PTPRQ: variants seen among roughly 807,000 people sequenced by gnomAD.
PTPRQ encodes protein tyrosine phosphatase receptor type Q, also known as phosphatidylinositol phosphatase PTPRQ.
In PTPRQ, 199 loss-of-function variants were observed where a neutral mutation model predicts 246.0. That is an observed-to-expected ratio of 0.81 (90% CI 0.72 to 0.91). The LOEUF is 0.91. Ranked by LOEUF, PTPRQ falls within the 40% of genes least tolerant of loss-of-function variation. PTPRQ has a pLI of 0.00. For missense variants in PTPRQ, 2,624 were observed against 2,528.4 expected (o/e 1.04, Z -0.81); for synonymous variants, 869 against 853.2 (o/e 1.02, Z -0.32).
At chr12:80,636,035 A>G (rs1229588783) in intron 35 of PTPRQ, among the ~76,000 whole-genome samples, 2 of 152,238 alleles carry the variant, frequency 1.3e-5, no homozygotes, top group African/African-American at 4.8e-5. Context: ...ATCTAAAAAT[A>G]CCTAATATGT....
chr12:80,506,329 G>A, intron 15 of PTPRQ, 123 bp downstream of exon 15: 1 of 1,137,846 alleles, frequency 8.8e-7, no homozygotes, highest in Non-Finnish European at 1.2e-6. Context: ...TGTCTTTTTG[G>A]TTAAATAAGC....
rs1898512996 is a variant in PTPRQ, at chr12:80,610,594, T to C, written c.4887T>C (p.Ser1629=). 13 of 1,543,362 alleles carry C rather than the reference T, an allele frequency of 8.4e-6. No individual in the cohort carries two copies. Among genetic ancestry groups the C allele is most frequent in the Non-Finnish European group, 1.1e-5 (13 of 1,141,220 alleles). Residue 1629 remains serine, a synonymous_variant, in exon 28 of 45, where the codon AGT becomes AGC. Coordinates refer to ENST00000644991, the MANE Select transcript of PTPRQ (RefSeq NM_001145026.2). Reference sequence around the variant, plus strand: ...CTGCATATGTAGAAGGGAAGTCAAGTGCTGAAATGATTGTTACTACTTTAG... The same window carrying C: ...CTGCATATGTAGAAGGGAAGTCAAGCGCTGAAATGATTGTTACTACTTTAG... ...ISAAYVEGKS[S]AEMIVTTLES...
intron 35 of PTPRQ, among the ~76,000 whole-genome samples, chr12:80,647,025 T>C (rs1171016337): frequency 6.6e-5 from 10 of 152,204 alleles, no homozygotes; most frequent in Non-Finnish European, 1.5e-4. Context: ...CACAAATGTA[T>C]ACTGATGCTT....
intron 9 of PTPRQ, among the ~76,000 whole-genome samples, chr12:80,485,406 C>T (rs1184743479): frequency 6.6e-6 from 1 of 152,126 alleles, no homozygotes; most frequent in Admixed American, 6.6e-5. Flanking sequence ...AAGACAAACA[C>T]GATAGTTATT....
At chr12:80,475,063 G>C (rs1893768378) in intron 8 of PTPRQ, among the ~76,000 whole-genome samples, 1 of 151,972 alleles carries the variant, frequency 6.6e-6, no homozygotes, top group Admixed American at 6.6e-5. Flanking sequence ...GCTAGATAAT[G>C]GCAAAAATGA....
chr12:80,485,601 C>T (rs1894246965), intron 9 of PTPRQ, among the ~76,000 whole-genome samples: 1 of 152,180 alleles, frequency 6.6e-6, no homozygotes, highest in Non-Finnish European at 1.5e-5. Context: ...GGACTTATCA[C>T]TCCAAGTTGC....
At chr12:80,550,212 C>A (rs991103966) in intron 25 of PTPRQ, among the ~76,000 whole-genome samples, 1 of 152,094 alleles carries the variant, frequency 6.6e-6, no homozygotes, top group African/African-American at 2.4e-5. Flanking sequence ...GGTCGTTAAG[C>A]TTTAGTCCAC....
chr12:80,646,240 T>C (rs1900068266), intron 35 of PTPRQ, among the ~76,000 whole-genome samples: 1 of 152,176 alleles, frequency 6.6e-6, no homozygotes, highest in Non-Finnish European at 1.5e-5. Context: ...CAGAGACCTT[T>C]AAATATATGA....
At chr12:80,456,531 TAA>T (rs1411344665) in intron 3 of PTPRQ, among the ~76,000 whole-genome samples, 1 of 152,186 alleles carries the variant, frequency 6.6e-6, no homozygotes, top group Non-Finnish European at 1.5e-5. Context: ...TAATGTGCTG[TAA>T]GAAACTATTG....
chr12:80,659,270 C>G (rs1165923563), intron 39 of PTPRQ, among the ~76,000 whole-genome samples: 1 of 151,952 alleles, frequency 6.6e-6, no homozygotes, highest in Admixed American at 6.6e-5. Context: ...AAATGTAATT[C>G]AAAATGTAAA....
chr12:80,588,025 G>C (rs575231553), intron 25 of PTPRQ, 104 bp from the exon 26 acceptor site: 10 of 1,205,656 alleles, frequency 8.3e-6, no homozygotes, highest in Non-Finnish European at 1.0e-5. Context: ...ATAGTAATTT[G>C]ACAGATCTCT....
intron 23 of PTPRQ, among the ~76,000 whole-genome samples, chr12:80,544,164 T>G (rs1019306112): frequency 1.3e-5 from 2 of 152,088 alleles, no homozygotes; most frequent in Non-Finnish European, 2.9e-5. Context: ...CTTACTGTGC[T>G]TCAGTAGGGA....
chr12:80,645,532 G>A (rs1727146873), intron 35 of PTPRQ, among the ~76,000 whole-genome samples: 2 of 151,114 alleles, frequency 1.3e-5, no homozygotes, highest in Admixed American at 6.6e-5. Flanking sequence ...ATAATGTTAT[G>A]AGGGACATCT....
chr12:80,567,521 G>A (rs144013882), intron 25 of PTPRQ, among the ~76,000 whole-genome samples: 128 of 152,260 alleles, frequency 8.4e-4, no homozygotes, highest in African/African-American at 2.9e-3. Context: ...GAAGGCAACT[G>A]CTGCCCTGAT....
intron 17 of PTPRQ, among the ~76,000 whole-genome samples, chr12:80,528,629 C>A (rs902144168): frequency 1.3e-5 from 2 of 152,086 alleles, no homozygotes; most frequent in Non-Finnish European, 2.9e-5. Flanking sequence ...TCATTCAAAG[C>A]AGACAAACCC....
intron 18 of PTPRQ, among the ~76,000 whole-genome samples, chr12:80,534,632 C>A (rs564234116): frequency 1.9e-3 from 284 of 152,028 alleles, no homozygotes; most frequent in Non-Finnish European, 3.5e-3. Flanking sequence ...ATATCCAGAG[C>A]AGTGGACAGG....
intron 36 of PTPRQ, 55 bp from the exon 37 acceptor site, chr12:80,649,533 A>C: frequency 2.6e-6 from 4 of 1,529,676 alleles, no homozygotes; most frequent in Non-Finnish European, 3.5e-6. Context: ...GCCAATGCTA[A>C]CGCGAACAAA....
At position 80,649,681 on chromosome 12, in the gene PTPRQ, G is replaced by A. The variant is rs1288574970; in HGVS notation, c.6024+12G>A. 1 of 1,544,628 alleles carries A rather than the reference G, an allele frequency of 6.5e-7. No individual in the cohort carries two copies. Among genetic ancestry groups the A allele is most frequent in the Non-Finnish European group, 8.7e-7 (1 of 1,143,426 alleles). On this transcript the variant is annotated intron_variant, in intron 37 of 44. Transcript: ENST00000644991. ...AAGAAGAATTTTCGGTATGTTACTA[G>A]CAGTTGTCACAACATTGCAAGACCT...
At chr12:80,541,994 T>C in intron 21 of PTPRQ, 95 bp from the exon 22 acceptor site, 1 of 1,482,490 alleles carries the variant, frequency 6.7e-7, no homozygotes, top group Admixed American at 2.7e-5. Context: ...CTTAAAATAA[T>C]CTGCTAAGAA....
Sources: gnomAD v4.1 joint callset for allele counts (sites outside exome capture counted in the v4.1 genomes callset) on GRCh38, gnomAD v4.1.1 for gene constraint, MANE v1.5 for transcripts, NCBI Gene and HGNC (gene_info 2026-07-23, HGNC 2026-07-21) for gene names.